Variants in F12 observed in about 807,000 individuals in gnomAD.
F12 encodes Hageman factor.
F12 carries 70 observed loss-of-function variants against 74.8 expected under a neutral mutation model. The ratio of observed to expected loss-of-function variants is 0.94; its 90% CI spans 0.77 to 1.14. F12 has a LOEUF of 1.14. Ranked by LOEUF, F12 falls within the 50% of genes most tolerant of loss-of-function variation. F12 has a pLI of 0.00. For missense variants in F12, 811 were observed against 835.7 expected, an observed-to-expected ratio of 0.97 and a Z score of 0.36; for synonymous variants, 373 against 356.4, an observed-to-expected ratio of 1.05 and a Z score of -0.52.
chr5:177,407,165 A>G (rs2127361711), intron 2 of F12, among the ~76,000 whole-genome samples: 1 of 152,354 alleles, frequency 6.6e-6, no homozygotes, highest in East Asian at 1.9e-4. Flanking sequence ...AAACAGAATC[A>G]TACATAAAAC....
rs1763169159 is a variant in F12, at chr5:177,402,661, C to CT, written c.1568dup (p.Val524GlyfsTer39). 1 of 1,612,476 alleles carries CT rather than the reference C, an allele frequency of 6.2e-7. No homozygotes were observed. Among genetic ancestry groups the CT allele is most frequent in the Admixed American group, 1.7e-5 (1 of 60,002 alleles). ...AGCGCTCCAGGGAGAGGAACGGTAC[C>CT]TGCGCCTCCTGCAGGAAGCTGGCAT... On this transcript the variant is annotated frameshift_variant, in exon 13 of 14. Transcript: ENST00000253496. LOFTEE classifies it high-confidence loss of function.
At position 177,404,675 on chromosome 5, in the gene F12, AG is replaced by A. The variant is rs1561641431; in HGVS notation, c.635-12del. The stretch of plus-strand genomic sequence containing the variant: ...AGCTTGCCTTGGTGTCTGAGGAGAA[AG>A]GGGGCTCCCTGGGCAGCCAAGGCTG... On this transcript the variant is annotated splice_polypyrimidine_tract_variant and intron_variant, in intron 7 of 13. Transcript: ENST00000253496. 6.2e-7 allele frequency: 1 copy of A among 1,606,666 alleles called. No individual in the cohort carries two copies. Among genetic ancestry groups the A allele is most frequent in the Non-Finnish European group, 8.5e-7 (1 of 1,179,706 alleles).
At chr5:177,406,386 G>A (rs1763297610) in intron 2 of F12, among the ~76,000 whole-genome samples, 1 of 152,158 alleles carries the variant, frequency 6.6e-6, no homozygotes, top group African/African-American at 2.4e-5. Flanking sequence ...CTACTCGGGA[G>A]GCCGAGGCAG....
intron 9 of F12, 46 bp from the exon 10 acceptor site, chr5:177,404,136 G>A (rs1323748117): frequency 1.3e-6 from 2 of 1,587,032 alleles, no homozygotes; most frequent in Non-Finnish European, 1.7e-6. Flanking sequence ...CGGCCGGCTG[G>A]CCGGAATCTA....
In F12 at chr5:177,409,086, G is replaced by A; in HGVS notation, c.75C>T (p.Ala25=). 1 of 1,551,666 alleles carries A rather than the reference G, an allele frequency of 6.4e-7. No homozygotes were observed. The highest frequency in any genetic ancestry group is 8.7e-7 in the Non-Finnish European group (1 of 1,147,034). Residue 25 remains alanine, a synonymous_variant, in exon 2 of 14, where the codon GCC becomes GCT. Transcript: ENST00000253496. ...CAGCTTTGTACTTATGCTCCTTGGG[G>A]GCTTCCCAAGGTGGAATCTACAAGG... ...ESTLSIPPWE[A]PKEHKYKAEE... is the part of the protein sequence containing the mutation.
At chr5:177,405,234 A>G in intron 5 of F12, 49 bp from the exon 6 acceptor site, 1 of 1,613,420 alleles carries the variant, frequency 6.2e-7, no homozygotes, top group Non-Finnish European at 8.5e-7. Context: ...GGACCATGCC[A>G]AGTCTCCGAG....
At chr5:177,402,958 A>G (rs1763176811) in intron 12 of F12, 1 of 674,490 alleles carries the variant, frequency 1.5e-6, no homozygotes, top group African/African-American at 1.8e-5. Flanking sequence ...CCTGGCTCCC[A>G]CACTAGCCCG....
Position 177,402,402 on chromosome 5 carries a change from G to A in F12, c.1738C>T (p.Leu580=). 6.2e-7 allele frequency: 1 copy of A among 1,613,246 alleles called. No homozygotes were observed. Among genetic ancestry groups the A allele is most frequent in the Non-Finnish European group, 8.5e-7 (1 of 1,179,788 alleles). The change falls in exon 14 of 14, where the codon CTG becomes TTG. Residue 580 remains leucine, a synonymous_variant. Coordinates refer to ENST00000253496, the MANE Select transcript of F12 (RefSeq NM_000505.4). The stretch of plus-strand genomic sequence containing the variant: ...GATCCCCAGCTGATGATGCCTTGCA[G>A]GGTGAGCCGGCGCTCTGCAGCTTGG... ...EDQAAERRLT[L]QGIISWGSGC... is the part of the protein sequence containing the mutation.
intron 7 of F12, 67 bp downstream of exon 7, chr5:177,404,740 CCCT>C (rs1763242501): frequency 1.3e-6 from 2 of 1,595,602 alleles, no homozygotes; most frequent in South Asian, 1.1e-5. Context: ...TCCGCACTCT[CCCT>C]CCTCCTTCCT....
chr5:177,403,477 G>T lies in F12; in HGVS notation c.1387+4C>A. ...TCCCGTCCCCGCGGGGCGCCCCCAC[G>T]CACCCAGGTCGTGCTGGTAGCTGAC... On this transcript the variant is annotated splice_donor_region_variant and intron_variant, in intron 11 of 13. Coordinates refer to ENST00000253496, the MANE Select transcript of F12 (RefSeq NM_000505.4). 6.4e-7 allele frequency: 1 copy of T among 1,559,812 alleles called. No individual in the cohort carries two copies. The highest frequency in any genetic ancestry group is 8.6e-7 in the Non-Finnish European group (1 of 1,157,044).
intron 5 of F12, 46 bp downstream of exon 5, chr5:177,405,277 G>T: frequency 6.2e-7 from 1 of 1,613,356 alleles, no homozygotes. Flanking sequence ...GCCCAGGGTT[G>T]CCCCTGTCCC....
Position 177,402,256 on chromosome 5 carries a change from G to A in F12, c.*36C>T. ...ATGCCCCAGCCACTCTCTCACTGCG[G>A]AATCACCAAGGAGGGAAAGATGAGT... On this transcript the variant is annotated 3_prime_UTR_variant, in exon 14 of 14. Coordinates refer to ENST00000253496, the MANE Select transcript of F12 (RefSeq NM_000505.4). The A allele has an allele frequency of 6.2e-7, 1 of 1,611,368 alleles. No homozygotes were observed. Among genetic ancestry groups the A allele is most frequent in the African/African-American group, 1.3e-5 (1 of 74,970 alleles).
intron 2 of F12, among the ~76,000 whole-genome samples, chr5:177,407,717 G>A (rs575546826): frequency 3.6e-4 from 54 of 152,024 alleles, no homozygotes; most frequent in East Asian, 7.7e-4. Flanking sequence ...CCCAGGAGGC[G>A]GAGGTTGCAA....
chr5:177,404,947 G>C lies in F12; in HGVS notation c.530-33C>G, dbSNP rs200921759. ...AGGGAACGCAGTGAGCCACCCCTGG[G>C]CCTAAAGACCCCCCCAGAGAGCTCT... is the stretch of plus-strand genomic sequence containing the variant. On this transcript the variant is annotated intron_variant, in intron 6 of 13. Transcript: ENST00000253496. 127 of 1,586,466 alleles carry C rather than the reference G, an allele frequency of 8.0e-5. 1 individual carries two copies. In the Admixed American group the frequency reaches 2.1e-3, roughly 27 times the overall value.
chr5:177,405,195 A>C lies in F12; in HGVS notation c.398-10T>G, dbSNP rs372962146. 3.2e-5 allele frequency: 52 copies of C among 1,613,870 alleles called. 1 individual carries two copies. In the African/African-American group the frequency reaches 6.0e-4, roughly 19 times the overall value. Reference sequence around the variant, plus strand: ...GGCTCAAAGCACTTCTCTGGGGACAAAGAGGGATAGTGGTCTCAGGAGAGT... The same window carrying C: ...GGCTCAAAGCACTTCTCTGGGGACACAGAGGGATAGTGGTCTCAGGAGAGT... On this transcript the variant is annotated splice_polypyrimidine_tract_variant and intron_variant, in intron 5 of 13. Coordinates refer to ENST00000253496, the MANE Select transcript of F12 (RefSeq NM_000505.4).
In F12 at chr5:177,403,888, C is replaced by T. The variant is rs1360940067; in HGVS notation, c.1221G>A (p.Val407=). Residue 407 remains valine, a synonymous_variant, in exon 10 of 14, where the codon GTG becomes GTA. Transcript: ENST00000253496. ...CCTGCAGGCAGTGAGCGGCCGTCAGCACCCAGCAGGGGGCGATGAGGCTGC... is the reference window on the plus strand; with the variant it reads ...CCTGCAGGCAGTGAGCGGCCGTCAGTACCCAGCAGGGGGCGATGAGGCTGC... The part of the protein sequence containing the change: ...CAGSLIAPCW[V]LTAAHCLQDR... 4 of 1,570,898 alleles carry T rather than the reference C, an allele frequency of 2.5e-6. No homozygotes were observed. Among genetic ancestry groups the T allele is most frequent in the Non-Finnish European group, 2.6e-6 (3 of 1,161,816 alleles).
intron 12 of F12, 138 bp downstream of exon 12, chr5:177,403,116 C>G: frequency 3.6e-6 from 4 of 1,114,078 alleles, no homozygotes; most frequent in Non-Finnish European, 5.2e-6. Flanking sequence ...GATTCACCTA[C>G]ACATTCTCAC....
chr5:177,409,431 AG>A, intron 1 of F12, 39 bp downstream of exon 1: 1 of 1,610,650 alleles, frequency 6.2e-7, no homozygotes, highest in Non-Finnish European at 8.5e-7. Context: ...GCGACCCCCC[AG>A]AACAATCCTG....
chr5:177,406,537 A>T (rs974528658), intron 2 of F12, among the ~76,000 whole-genome samples: 1 of 151,902 alleles, frequency 6.6e-6, no homozygotes, highest in Admixed American at 6.6e-5. Flanking sequence ...GCTGGAGTAG[A>T]CTCCTGACTC....
Sources: gnomAD v4.1 joint callset for allele counts (sites outside exome capture counted in the v4.1 genomes callset) on GRCh38, gnomAD v4.1.1 for gene constraint, MANE v1.5 for transcripts, NCBI Gene and HGNC (gene_info 2026-07-23, HGNC 2026-07-21) for gene names.